The following KAZN variants were observed in gnomAD, a reference collection of about 807,000 sequenced individuals.
KAZN encodes the protein kazrin.
Under a neutral mutation model 87.4 loss-of-function variants are expected in KAZN, and 40 were observed. The observed-to-expected ratio is 0.46, with a 90% CI of 0.36 to 0.60. KAZN has a LOEUF of 0.60. Ranked by LOEUF, KAZN falls within the 20% of genes least tolerant of loss-of-function variation. KAZN has a pLI of 0.00. For synonymous variants in KAZN, 466 were observed against 458.3 expected (o/e 1.02, Z -0.22); for missense variants, 898 against 1,073.9 (o/e 0.84, Z 2.29).
intron 1 of KAZN, among the ~76,000 whole-genome samples, chr1:14,042,616 C>A (rs1388365538): frequency 6.6e-6 from 1 of 152,158 alleles, no homozygotes; most frequent in African/African-American, 2.4e-5. Context: ...TAGTTTCACC[C>A]AAATTGTACT....
chr1:14,354,715 G>T (rs924115080), intron 2 of KAZN, among the ~76,000 whole-genome samples: 5 of 149,360 alleles, frequency 3.3e-5, no homozygotes, highest in African/African-American at 1.2e-4. Context: ...CCAAATGTTG[G>T]CAAGGACCTG....
intron 2 of KAZN, among the ~76,000 whole-genome samples, chr1:14,476,016 T>C (rs1472964113): frequency 3.3e-5 from 5 of 152,166 alleles, no homozygotes; most frequent in African/African-American, 1.2e-4. Flanking sequence ...CTACACAGAC[T>C]CTCTCGCCTT....
chr1:14,482,039 C>T (rs987247063), intron 2 of KAZN, among the ~76,000 whole-genome samples: 4 of 152,208 alleles, frequency 2.6e-5, no homozygotes, highest in South Asian at 2.1e-4. Context: ...GCTTCATCCA[C>T]GTGGACCAGA....
At chr1:14,661,329 T>G (rs1353393043) in intron 1 of KAZN, among the ~76,000 whole-genome samples, 1 of 152,154 alleles carries the variant, frequency 6.6e-6, no homozygotes, top group African/African-American at 2.4e-5. Context: ...TATTTTCTCA[T>G]GGATGGTCTC....
At chr1:13,961,320 T>G (rs1424737723) in intron 1 of KAZN, among the ~76,000 whole-genome samples, 2 of 152,168 alleles carry the variant, frequency 1.3e-5, no homozygotes, top group East Asian at 3.8e-4. Context: ...CACACACACA[T>G]GCACATGTAC....
intron 2 of KAZN, among the ~76,000 whole-genome samples, chr1:14,433,980 G>A (rs1274186903): frequency 6.6e-6 from 1 of 152,238 alleles, no homozygotes. Context: ...CCAGGAAGGG[G>A]GATCTCACCA....
At chr1:14,339,547 G>A (rs1482880529) in intron 2 of KAZN, among the ~76,000 whole-genome samples, 8 of 152,132 alleles carry the variant, frequency 5.3e-5, no homozygotes, top group African/African-American at 9.7e-5. Flanking sequence ...CAGGAGAGCC[G>A]ACGTTTCTGT....
chr1:13,930,122 A>G (rs1640451511), intron 1 of KAZN, among the ~76,000 whole-genome samples: 1 of 152,212 alleles, frequency 6.6e-6, no homozygotes, highest in African/African-American at 2.4e-5. Flanking sequence ...GAGATGGGGA[A>G]CATCCTGCCC....
chr1:14,369,444 C>T (rs932881955), intron 2 of KAZN, among the ~76,000 whole-genome samples: 3 of 152,114 alleles, frequency 2.0e-5, no homozygotes, highest in African/African-American at 4.8e-5. Context: ...GAAGCTAGTC[C>T]GCTTCAAAGA....
intron 1 of KAZN, among the ~76,000 whole-genome samples, chr1:14,632,060 G>T (rs958292052): frequency 6.6e-6 from 1 of 152,174 alleles, no homozygotes; most frequent in Non-Finnish European, 1.5e-5. Context: ...AGCAGGAAAG[G>T]GAACAGCTTA....
At chr1:14,015,459 CTTTTTTTTTTTTTTTTTTTTTT>C (rs70987713) in intron 1 of KAZN, among the ~76,000 whole-genome samples, 8 of 25,102 alleles carry the variant, frequency 3.2e-4, no homozygotes, top group East Asian at 1.3e-3. Context: ...GTTACATCTA[CTTTTTTTTTTTTTTTTTTTTTT>C]TTTTTTTTTT....
intron 13 of KAZN, among the ~76,000 whole-genome samples, chr1:15,110,391 TTGTG>T (rs71000363): frequency 6.6e-6 from 1 of 150,812 alleles, no homozygotes; most frequent in South Asian, 2.1e-4. Context: ...ATTTGTGTGT[TTGTG>T]TGTGTCTGTG....
intron 1 of KAZN, among the ~76,000 whole-genome samples, chr1:14,899,160 C>A (rs550513943): frequency 6.6e-6 from 1 of 152,210 alleles, no homozygotes; most frequent in African/African-American, 2.4e-5. Context: ...AGGGACCCAA[C>A]AACCCTGTAC....
At chr1:14,742,197 G>C (rs1288407477) in intron 1 of KAZN, among the ~76,000 whole-genome samples, 1 of 152,200 alleles carries the variant, frequency 6.6e-6, no homozygotes, top group Non-Finnish European at 1.5e-5. Context: ...CAGTGACCTT[G>C]TCCGTCCTGT....
At chr1:14,214,776 G>A (rs1253211694) in intron 2 of KAZN, among the ~76,000 whole-genome samples, 1 of 152,238 alleles carries the variant, frequency 6.6e-6, no homozygotes, top group Non-Finnish European at 1.5e-5. Context: ...GATTTGGATA[G>A]TGGAGCTGGG....
At position 14,513,668 on chromosome 1, in the gene KAZN, T is replaced by A. The variant is rs56289311; in HGVS notation, c.250-85315T>A. 4.7e-3 allele frequency among the ~76,000 whole-genome samples: 716 copies of A among 152,292 alleles called. 7 individuals carry two copies. The highest frequency in any genetic ancestry group is 0.016 in the African/African-American group (682 of 41,568). ...TGCCGGATATTTTATACAGACTAGA[T>A]GTTGAAAACATATCATAGTAAGCAT... On this transcript the variant is annotated intron_variant, in intron 2 of 16. Coordinates refer to the KAZN transcript ENST00000636203.
Position 14,354,450 on chromosome 1 carries a change from G to C in KAZN, c.249+173858G>C, listed in dbSNP as rs916303126. Among the ~76,000 whole-genome samples, 3 of 152,094 alleles carry C rather than the reference G, an allele frequency of 2.0e-5. No individual in the cohort carries two copies. The East Asian group carries it at 5.8e-4, about 29-fold the overall frequency. ...TTTGTATTCAGAATATGTAAAAAAT[G>C]CTTATAATTCAGTAATAAAAAGAAA... On this transcript the variant is annotated intron_variant, in intron 2 of 16. Transcript: ENST00000636203.
rs201669791 is a variant in KAZN, at chr1:14,767,740, C to T, written c.226+168517C>T. Reference sequence around the variant, plus strand: ...TTCTTAGTTTGGTCCCTGCGGCCTGCAGCCATGGGAGGGCTCAGTGGAGAC... The same window carrying T: ...TTCTTAGTTTGGTCCCTGCGGCCTGTAGCCATGGGAGGGCTCAGTGGAGAC... On this transcript the variant is annotated intron_variant, in intron 1 of 14. Coordinates refer to ENST00000376030, the MANE Select transcript of KAZN (RefSeq NM_201628.3). Among the ~76,000 whole-genome samples the T allele has an allele frequency of 2.6e-5, 4 of 152,264 alleles. No homozygotes were observed. In the East Asian group the frequency reaches 7.7e-4, roughly 29 times the overall value.
intron 2 of KAZN, among the ~76,000 whole-genome samples, chr1:14,434,515 C>T (rs572848297): frequency 6.6e-6 from 1 of 152,350 alleles, no homozygotes; most frequent in South Asian, 2.1e-4. Flanking sequence ...CACCCTTCTG[C>T]ACGGCCAGTT....
Sources: gnomAD v4.1 joint callset for allele counts (sites outside exome capture counted in the v4.1 genomes callset) on GRCh38, gnomAD v4.1.1 for gene constraint, MANE v1.5 for transcripts, NCBI Gene and HGNC (gene_info 2026-07-23, HGNC 2026-07-21) for gene names.